Variants in DCBLD1 observed in about 807,000 individuals in gnomAD.
DCBLD1 encodes discoidin, CUB and LCCL domain-containing protein 1.
DCBLD1 carries 57 observed loss-of-function variants against 71.5 expected under a neutral mutation model. The ratio of observed to expected loss-of-function variants is 0.80; its 90% confidence interval spans 0.64 to 0.99. The LOEUF is 0.99. DCBLD1 is among the 50% of genes least tolerant of loss of function. The pLI is 0.00. For missense variants in DCBLD1, 891 were observed against 923.5 expected, an observed-to-expected ratio of 0.96 and a Z score of 0.46; for synonymous variants, 380 against 363.8, an observed-to-expected ratio of 1.04 and a Z score of -0.51.
chr6:117,567,696 GAAT>G (rs1779726046), intron 14 of DCBLD1, among the ~76,000 whole-genome samples: 1 of 151,846 alleles, frequency 6.6e-6, no homozygotes, highest in South Asian at 2.1e-4. Context: ...TCAATCCCCA[GAAT>G]AATCCTATTA....
Position 117,499,014 on chromosome 6 carries a change from G to T in DCBLD1, c.113-4753G>T, listed in dbSNP as rs925893469. On this transcript the variant is annotated intron_variant, in intron 1 of 14. Coordinates refer to ENST00000338728, the MANE Select transcript of DCBLD1 (RefSeq NM_001366458.2). Reference sequence around the variant, plus strand: ...TTAAATCTAAAATAAACACTTTTTTGTGTGTGCCTCTTCATTTAATTCATT... The same window carrying T: ...TTAAATCTAAAATAAACACTTTTTTTTGTGTGCCTCTTCATTTAATTCATT... Among the ~76,000 whole-genome samples, 6 of 152,034 alleles carry T rather than the reference G, an allele frequency of 3.9e-5. No individual in the cohort carries two copies. In the East Asian group the frequency reaches 7.7e-4, roughly 20 times the overall value.
At chr6:117,494,137 T>C (rs985525756) in intron 1 of DCBLD1, among the ~76,000 whole-genome samples, 3 of 152,190 alleles carry the variant, frequency 2.0e-5, no homozygotes, top group Non-Finnish European at 4.4e-5. Flanking sequence ...AAGGGCCCTT[T>C]CATAATTTTA....
At chr6:117,514,530 C>T (rs1243103474) in intron 2 of DCBLD1, among the ~76,000 whole-genome samples, 1 of 149,718 alleles carries the variant, frequency 6.7e-6, no homozygotes, top group Non-Finnish European at 1.5e-5. Flanking sequence ...TGTTTGAGCC[C>T]AGGAGGAGCC....
intron 1 of DCBLD1, among the ~76,000 whole-genome samples, chr6:117,486,495 C>G (rs1452897738): frequency 2.6e-5 from 4 of 152,238 alleles, no homozygotes; most frequent in African/African-American, 9.6e-5. Flanking sequence ...TCCACTGCCT[C>G]TCTGACTTCA....
downstream of DCBLD1, chr6:117,549,799 T>C (rs1156792037): frequency 1.0e-6 from 1 of 985,296 alleles, no homozygotes; most frequent in African/African-American, 1.7e-5. Flanking sequence ...CAAACCAAAC[T>C]GCCCCTGACT....
chr6:117,550,041 G>T (rs1779400186), downstream of DCBLD1, among the ~76,000 whole-genome samples: 1 of 152,206 alleles, frequency 6.6e-6, no homozygotes, highest in African/African-American at 2.4e-5. Flanking sequence ...ATAAAAATTA[G>T]TTGGAACATT....
chr6:117,538,922 T>C (rs1778997999), intron 8 of DCBLD1, 87 bp downstream of exon 8: 2 of 1,337,154 alleles, frequency 1.5e-6, no homozygotes, highest in Non-Finnish European at 2.1e-6. Context: ...ATTGTTTACA[T>C]AGGTGCTTCT....
At chr6:117,503,712 A>G (rs1350622930) in intron 1 of DCBLD1, 55 bp from the exon 2 acceptor site, 4 of 1,573,768 alleles carry the variant, frequency 2.5e-6, no homozygotes, top group East Asian at 2.2e-5. Flanking sequence ...CTCAATCCTC[A>G]GTAAGAATTA....
intron 6 of DCBLD1, among the ~76,000 whole-genome samples, chr6:117,535,791 A>G (rs1778863639): frequency 6.6e-6 from 1 of 152,200 alleles, no homozygotes; most frequent in South Asian, 2.1e-4. Context: ...AAAAGAGACA[A>G]AAGAGAGGCT....
intron 1 of DCBLD1, 34 bp from the exon 2 acceptor site, chr6:117,503,733 C>T (rs1777739922): frequency 1.9e-6 from 3 of 1,606,112 alleles, no homozygotes; most frequent in East Asian, 4.5e-5. Flanking sequence ...ATGACCCCTT[C>T]TTCTTTTATT....
At chr6:117,500,238 C>G (rs1202232862) in intron 1 of DCBLD1, among the ~76,000 whole-genome samples, 1 of 152,224 alleles carries the variant, frequency 6.6e-6, no homozygotes, top group South Asian at 2.1e-4. Context: ...TTATATTAGT[C>G]TTGCCACAGA....
intron 14 of DCBLD1, 52 bp from the exon 15 acceptor site, chr6:117,547,855 A>T (rs899619405): frequency 2.9e-5 from 45 of 1,549,850 alleles, no homozygotes; most frequent in Non-Finnish European, 3.8e-5. Context: ...TGCCACTGAC[A>T]GGCCGGCCCG....
chr6:117,508,698 G>C (rs1260636919), intron 2 of DCBLD1, among the ~76,000 whole-genome samples: 2 of 152,154 alleles, frequency 1.3e-5, no homozygotes, highest in Non-Finnish European at 2.9e-5. Context: ...GGTCATTTCT[G>C]TTTTCCTGAT....
Position 117,544,596 on chromosome 6 carries a change from C to A in DCBLD1, c.1495+19C>A. On this transcript the variant is annotated intron_variant, in intron 13 of 14. Transcript: ENST00000338728. ...AAAACAGGTTGGTTGAAAACTCTAT[C>A]TACAATTTTATCTGTCTTTGAGGAA... is the stretch of plus-strand genomic sequence containing the variant. 6.2e-7 allele frequency: 1 copy of A among 1,613,484 alleles called. No individual in the cohort carries two copies. Among genetic ancestry groups the A allele is most frequent in the Non-Finnish European group, 8.5e-7 (1 of 1,179,740 alleles).
chr6:117,531,118 TATG>T (rs1394522290), intron 5 of DCBLD1, among the ~76,000 whole-genome samples: 2 of 152,196 alleles, frequency 1.3e-5, no homozygotes, highest in Non-Finnish European at 2.9e-5. Context: ...TATTGCAAAA[TATG>T]ATTTGTCTCA....
At position 117,499,240 on chromosome 6, in the gene DCBLD1, CA is replaced by C. The variant is rs71012362; in HGVS notation, c.113-4510del. Among the ~76,000 whole-genome samples the C allele has an allele frequency of 5.2e-3, 564 of 108,706 alleles. 6 individuals are homozygous for C. Among genetic ancestry groups the C allele is most frequent in the Middle Eastern group, 0.014 (3 of 222 alleles). 71.3% of individuals were successfully genotyped at this position (108,706 alleles called of 152,430 possible). On this transcript the variant is annotated intron_variant, in intron 1 of 14. Transcript: ENST00000338728. ...GACATAGTGTGGCCCCCATCTCTAC[CA>C]AAAAAAAAAAAAAAAATCTGCCAGG...
At chr6:117,524,914 GA>G (rs2114502639) in intron 4 of DCBLD1, among the ~76,000 whole-genome samples, 1 of 152,256 alleles carries the variant, frequency 6.6e-6, no homozygotes, top group East Asian at 1.9e-4. Flanking sequence ...GTATAACACG[GA>G]AAGTGAAAGT....
chr6:117,500,382 G>T (rs895092529), intron 1 of DCBLD1, among the ~76,000 whole-genome samples: 1 of 152,180 alleles, frequency 6.6e-6, no homozygotes, highest in African/African-American at 2.4e-5. Flanking sequence ...GACTCATGGG[G>T]TTTTGTTCTG....
chr6:117,502,898 G>A (rs1373085748), intron 1 of DCBLD1, among the ~76,000 whole-genome samples: 1 of 152,164 alleles, frequency 6.6e-6, no homozygotes, highest in Non-Finnish European at 1.5e-5. Flanking sequence ...AGGTTAATAG[G>A]TGAACTTCCC....
Sources: gnomAD v4.1 joint callset for allele counts (sites outside exome capture counted in the v4.1 genomes callset) on GRCh38, gnomAD v4.1.1 for gene constraint, MANE v1.5 for transcripts, NCBI Gene and HGNC (gene_info 2026-07-23, HGNC 2026-07-21) for gene names.